FUT8: variants seen among roughly 807,000 people sequenced by gnomAD.
FUT8 encodes the protein fucosyltransferase 8, also known as alpha-(1,6)-fucosyltransferase.
In FUT8, 29 loss-of-function variants were observed where a neutral mutation model predicts 71.3. The observed-to-expected ratio is 0.41, with a 90% CI of 0.30 to 0.55. The LOEUF is 0.55. Among genes scored for constraint, FUT8 ranks in the 20% least tolerant of loss-of-function variants. The probability of loss-of-function intolerance (pLI) is 0.34; values close to 1 mark genes in which losing one functional copy is unlikely to be tolerated. For missense variants in FUT8, 544 were observed against 702.1 expected (o/e 0.77, Z 2.55); for synonymous variants, 254 against 239.3 (o/e 1.06, Z -0.57).
At chr14:65,577,321 C>T (rs1886844061) in intron 3 of FUT8, among the ~76,000 whole-genome samples, 1 of 152,106 alleles carries the variant, frequency 6.6e-6, no homozygotes, top group Non-Finnish European at 1.5e-5. Context: ...TAGAAAGGAA[C>T]AATCTAGTGA....
chr14:65,554,684 A>G (rs1463477730), intron 2 of FUT8, among the ~76,000 whole-genome samples: 1 of 151,984 alleles, frequency 6.6e-6, no homozygotes, highest in African/African-American at 2.4e-5. Flanking sequence ...TGAATCAGAA[A>G]CTTGAAATTC....
chr14:65,433,505 C>G (rs1297777984), intron 1 of FUT8, among the ~76,000 whole-genome samples: 1 of 152,118 alleles, frequency 6.6e-6, no homozygotes, highest in African/African-American at 2.4e-5. Flanking sequence ...TGCCTTTCTT[C>G]AGATATTGAT....
At chr14:65,464,070 A>T (rs1286613732) in intron 2 of FUT8, among the ~76,000 whole-genome samples, 2 of 152,216 alleles carry the variant, frequency 1.3e-5, no homozygotes, top group Non-Finnish European at 2.9e-5. Flanking sequence ...CCTATACTGG[A>T]TTAATGTATT....
chr14:65,737,350 G>C (rs1896267253), intron 10 of FUT8, among the ~76,000 whole-genome samples: 1 of 152,040 alleles, frequency 6.6e-6, no homozygotes, highest in African/African-American at 2.4e-5. Context: ...TATGAAAATT[G>C]GAGGCAATAT....
At chr14:65,651,173 A>C (rs1891390685) in intron 6 of FUT8, among the ~76,000 whole-genome samples, 1 of 152,242 alleles carries the variant, frequency 6.6e-6, no homozygotes, top group African/African-American at 2.4e-5. Context: ...AGGATTAAAA[A>C]GAGGAGGGAG....
chr14:65,376,267 C>T, the FUT8 span, among the ~76,000 whole-genome samples: 1 of 152,252 alleles, frequency 6.6e-6, no homozygotes, highest in South Asian at 2.1e-4. Flanking sequence ...AGACAGTTGG[C>T]AGAAAGGCTT....
At chr14:65,654,853 AAG>A (rs1215273136) in intron 6 of FUT8, among the ~76,000 whole-genome samples, 2 of 152,100 alleles carry the variant, frequency 1.3e-5, no homozygotes, top group Admixed American at 6.5e-5. Context: ...CCAGTTAAGA[AAG>A]AGAGAAAAAA....
chr14:65,458,274 T>C (rs2065923922), intron 2 of FUT8: 1 of 151,394 alleles, frequency 6.6e-6, no homozygotes, highest in African/African-American at 2.4e-5. Context: ...ACCAGAAATA[T>C]ACAGGTAGAT....
chr14:65,623,128 TG>T lies in FUT8; in HGVS notation c.483-6363del, dbSNP rs1460948145. Among the ~76,000 whole-genome samples the T allele has an allele frequency of 3.4e-4, 51 of 152,228 alleles. 1 individual carries two copies. Among genetic ancestry groups the T allele is most frequent in the Non-Finnish European group, 6.6e-4 (45 of 68,008 alleles). On this transcript the variant is annotated intron_variant, in intron 5 of 10. Transcript: ENST00000673929. ...TCGGTCTTGAACTCCTGTGCTCAAG[TG>T]ATCCTTCTGCCTTAGCTTCCCAAAA...
intron 1 of FUT8, among the ~76,000 whole-genome samples, chr14:65,439,474 G>T (rs2065608887): frequency 6.6e-6 from 1 of 151,974 alleles, no homozygotes; most frequent in Admixed American, 6.6e-5. Context: ...TGAACTGGAG[G>T]GTCATGTGAA....
At chr14:65,439,067 G>T (rs1337702344) in intron 1 of FUT8, among the ~76,000 whole-genome samples, 2 of 152,148 alleles carry the variant, frequency 1.3e-5, no homozygotes, top group Non-Finnish European at 2.9e-5. Context: ...GCTGCCAGCA[G>T]TTCCTCTAGA....
chr14:65,696,546 G>T (rs1465822132), intron 7 of FUT8, among the ~76,000 whole-genome samples: 3 of 151,924 alleles, frequency 2.0e-5, no homozygotes, highest in African/African-American at 4.8e-5. Context: ...GGGGTTTTTT[G>T]TTGTTGTTTG....
chr14:65,647,672 C>T (rs150913604), intron 6 of FUT8, among the ~76,000 whole-genome samples: 1 of 152,198 alleles, frequency 6.6e-6, no homozygotes, highest in African/African-American at 2.4e-5. Context: ...AATAGTTGCT[C>T]TTAAATTTTG....
chr14:65,670,200 G>A (rs1014931275), intron 7 of FUT8, among the ~76,000 whole-genome samples: 6 of 152,098 alleles, frequency 3.9e-5, no homozygotes, highest in African/African-American at 1.2e-4. Flanking sequence ...ATTTCTTACC[G>A]CTAGTCTAGT....
At chr14:65,481,516 C>T (rs1166745509) in intron 2 of FUT8, among the ~76,000 whole-genome samples, 2 of 151,830 alleles carry the variant, frequency 1.3e-5, no homozygotes, top group Non-Finnish European at 2.9e-5. Context: ...CTGAAATGAA[C>T]AATTTGATTA....
At chr14:65,710,287 G>C (rs543000478) in intron 7 of FUT8, among the ~76,000 whole-genome samples, 1 of 152,088 alleles carries the variant, frequency 6.6e-6, no homozygotes, top group Admixed American at 6.5e-5. Flanking sequence ...CATAAAGATG[G>C]TACACAAATG....
intron 2 of FUT8, among the ~76,000 whole-genome samples, chr14:65,459,375 T>TA (rs879513404): frequency 6.6e-6 from 1 of 152,172 alleles, no homozygotes; most frequent in African/African-American, 2.4e-5. Context: ...TGTTACAAAA[T>TA]AAAAAAATTT....
At chr14:65,686,658 GTTGA>G (rs1298571913) in intron 7 of FUT8, among the ~76,000 whole-genome samples, 2 of 152,294 alleles carry the variant, frequency 1.3e-5, no homozygotes, top group African/African-American at 4.8e-5. Flanking sequence ...GGGAGAGGAG[GTTGA>G]TTGTCAGTTT....
At chr14:65,365,197 A>T in the FUT8 span, among the ~76,000 whole-genome samples, 1 of 152,112 alleles carries the variant, frequency 6.6e-6, no homozygotes, top group African/African-American at 2.4e-5. Flanking sequence ...CTACTGCTAG[A>T]CCCTCAGCTG....
Sources: allele counts gnomAD v4.1 joint callset (sites outside exome capture counted in the v4.1 genomes callset), GRCh38; gene constraint gnomAD v4.1.1; transcripts MANE v1.5; gene names NCBI Gene and HGNC (gene_info 2026-07-23, HGNC 2026-07-21).